Variants in EPB41L4A observed in about 807,000 individuals in gnomAD.
EPB41L4A encodes the protein erythrocyte membrane protein band 4.1 like 4A.
Under a neutral mutation model 108.6 loss-of-function variants are expected in EPB41L4A, and 100 were observed. That is an observed-to-expected ratio of 0.92 (90% CI 0.78 to 1.09). The LOEUF (loss-of-function observed/expected upper bound fraction) is 1.09, where lower values mean the gene tolerates loss of function less well. Ranked by LOEUF, EPB41L4A falls within the 50% of genes least tolerant of loss-of-function variation. The probability of loss-of-function intolerance (pLI) is 0.00; values close to 1 mark genes in which losing one functional copy is unlikely to be tolerated. For missense variants in EPB41L4A, 1,030 were observed against 842.7 expected (o/e 1.22, Z -2.75); for synonymous variants, 319 against 289.0 (o/e 1.10, Z -1.05).
intron 1 of EPB41L4A, among the ~76,000 whole-genome samples, chr5:112,393,347 G>A (rs995643510): frequency 1.3e-5 from 2 of 151,938 alleles, no homozygotes; most frequent in Non-Finnish European, 2.9e-5. Flanking sequence ...CCGCTAGCAA[G>A]ACTAATAAAG....
Position 112,170,398 on chromosome 5 carries a change from G to A in EPB41L4A, c.1671-29C>T, listed in dbSNP as rs1561446248. 9 of 1,403,560 alleles carry A rather than the reference G, an allele frequency of 6.4e-6. No individual in the cohort carries two copies. The Admixed American group carries it at 6.9e-5, about 11-fold the overall frequency. The allele number at this position is 1,403,560 out of a possible 1,614,324, so 86.9% of individuals were successfully genotyped here. On this transcript the variant is annotated intron_variant, in intron 19 of 22. Transcript: ENST00000261486. ...TAAAGGAATATGCAAGAAAATGATA[G>A]TTGTGGTGCTGGTATAAATGCTAGT...
At chr5:112,273,785 G>C (rs1752428229) in intron 4 of EPB41L4A, among the ~76,000 whole-genome samples, 1 of 152,048 alleles carries the variant, frequency 6.6e-6, no homozygotes, top group Admixed American at 6.5e-5. Flanking sequence ...ACAGATATAA[G>C]TGTATTTTTT....
chr5:112,179,399 A>G (rs1238173266), intron 18 of EPB41L4A, among the ~76,000 whole-genome samples: 1 of 152,160 alleles, frequency 6.6e-6, no homozygotes, highest in Non-Finnish European at 1.5e-5. Flanking sequence ...TTACAGATCA[A>G]TTTTTCACAA....
intron 22 of EPB41L4A, among the ~76,000 whole-genome samples, chr5:112,167,110 C>A (rs1760292556): frequency 2.9e-5 from 2 of 68,604 alleles, no homozygotes; most frequent in Non-Finnish European, 5.1e-5. Context: ...TTGAAACCAA[C>A]TAAAATTTAA....
intron 2 of EPB41L4A, among the ~76,000 whole-genome samples, chr5:112,294,493 A>G (rs1753865233): frequency 6.6e-6 from 1 of 152,168 alleles, no homozygotes; most frequent in Admixed American, 6.5e-5. Context: ...GACACAAACA[A>G]TGTTGTATTT....
intron 12 of EPB41L4A, among the ~76,000 whole-genome samples, chr5:112,223,719 G>T (rs1580466214): frequency 1.3e-5 from 2 of 152,306 alleles, no homozygotes; most frequent in South Asian, 2.1e-4. Flanking sequence ...CTAAGGTTGT[G>T]TTCACACACA....
intron 2 of EPB41L4A, among the ~76,000 whole-genome samples, chr5:112,303,495 A>T (rs1351225470): frequency 2.0e-5 from 3 of 152,196 alleles, no homozygotes; most frequent in Non-Finnish European, 2.9e-5. Flanking sequence ...ATCCTGGTGA[A>T]CACCAACATT....
chr5:112,189,608 C>T (rs1255821060), intron 17 of EPB41L4A, among the ~76,000 whole-genome samples: 5 of 152,112 alleles, frequency 3.3e-5, no homozygotes, highest in Non-Finnish European at 5.9e-5. Flanking sequence ...CTACTATTAC[C>T]CTAAGCTGCT....
Position 112,266,217 on chromosome 5 carries a change from C to CTTA in EPB41L4A, c.433+13_433+15dup. 1 of 1,565,696 alleles carries CTTA rather than the reference C, an allele frequency of 6.4e-7. No individual in the cohort carries two copies. Among genetic ancestry groups the CTTA allele is most frequent in the Non-Finnish European group, 8.7e-7 (1 of 1,155,932 alleles). On this transcript the variant is annotated intron_variant, in intron 5 of 22. Coordinates refer to ENST00000261486, the MANE Select transcript of EPB41L4A (RefSeq NM_022140.5). ...TCCAGACATTTCTGAGGCAAATATG[C>CTTA]TTAAGTGGCACCTACACTGGATGGC...
intron 2 of EPB41L4A, among the ~76,000 whole-genome samples, chr5:112,285,260 T>C (rs572905007): frequency 6.6e-5 from 10 of 152,310 alleles, no homozygotes; most frequent in Admixed American, 2.0e-4. Context: ...TTCATTAATA[T>C]AGCAAAACAA....
intron 1 of EPB41L4A, among the ~76,000 whole-genome samples, chr5:112,345,781 AC>A (rs1757617093): frequency 3.5e-4 from 1 of 2,892 alleles, no homozygotes; most frequent in South Asian, 8.1e-3. Context: ...ATATATATAT[AC>A]ACACACACAC....
At chr5:112,393,333 T>C (rs891331844) in intron 1 of EPB41L4A, among the ~76,000 whole-genome samples, 8 of 151,860 alleles carry the variant, frequency 5.3e-5, no homozygotes, top group Admixed American at 2.6e-4. Flanking sequence ...ACAAAATTGA[T>C]AGACCGCTAG....
chr5:112,142,229 G>A (rs1019251588), downstream of EPB41L4A, among the ~76,000 whole-genome samples: 4 of 152,184 alleles, frequency 2.6e-5, no homozygotes, highest in Non-Finnish European at 4.4e-5. Flanking sequence ...CCACGGGATG[G>A]AGTTCCACTG....
chr5:112,184,209 T>C (rs1216741986), intron 17 of EPB41L4A, 74 bp from the exon 18 acceptor site: 6 of 1,551,668 alleles, frequency 3.9e-6, no homozygotes, highest in Non-Finnish European at 4.4e-6. Flanking sequence ...TAAACTTGCT[T>C]TTAAATGTTA....
At chr5:112,381,989 T>C (rs934859466) in intron 1 of EPB41L4A, among the ~76,000 whole-genome samples, 1 of 152,230 alleles carries the variant, frequency 6.6e-6, no homozygotes, top group Admixed American at 6.5e-5. Flanking sequence ...CAATGGCATG[T>C]AATAAAGTAG....
At chr5:112,175,039 G>C (rs1169310473) in intron 18 of EPB41L4A, among the ~76,000 whole-genome samples, 1 of 152,136 alleles carries the variant, frequency 6.6e-6, no homozygotes, top group Non-Finnish European at 1.5e-5. Flanking sequence ...CTTCCGGGTT[G>C]GGGGTGGGGG....
intron 1 of EPB41L4A, among the ~76,000 whole-genome samples, chr5:112,340,480 C>A (rs1021502191): frequency 5.9e-5 from 9 of 152,194 alleles, no homozygotes; most frequent in African/African-American, 1.4e-4. Context: ...TTTTATCACA[C>A]TTCTTATCTG....
At chr5:112,387,229 G>C (rs1304828646) in intron 1 of EPB41L4A, among the ~76,000 whole-genome samples, 2 of 152,292 alleles carry the variant, frequency 1.3e-5, no homozygotes, top group Non-Finnish European at 2.9e-5. Flanking sequence ...TCATGTCTGA[G>C]AGACCACGTC....
chr5:112,407,293 T>C (rs1762130523), intron 1 of EPB41L4A, among the ~76,000 whole-genome samples: 1 of 152,216 alleles, frequency 6.6e-6, no homozygotes, highest in Admixed American at 6.5e-5. Flanking sequence ...GCTTATATTA[T>C]GCCAGTTTTG....
Sources: allele counts gnomAD v4.1 joint callset (sites outside exome capture counted in the v4.1 genomes callset), GRCh38; gene constraint gnomAD v4.1.1; transcripts MANE v1.5; gene names NCBI Gene and HGNC (gene_info 2026-07-23, HGNC 2026-07-21).